The following PPP2R2B variants were observed in gnomAD, a reference collection of about 807,000 sequenced individuals.
PPP2R2B encodes the protein protein phosphatase 2 regulatory subunit Bbeta.
A neutral mutation model predicts 46.0 loss-of-function variants in PPP2R2B; 5 were observed. The observed-to-expected ratio is 0.11, with a 90% CI of 0.06 to 0.23. PPP2R2B has a LOEUF of 0.23. Ranked by LOEUF, PPP2R2B falls within the 10% of genes least tolerant of loss-of-function variation. The probability of loss-of-function intolerance (pLI) is 1.00; values close to 1 mark genes in which losing one functional copy is unlikely to be tolerated. For synonymous variants in PPP2R2B, 215 were observed against 206.7 expected, an observed-to-expected ratio of 1.04 and a Z score of -0.34; for missense variants, 367 against 575.0, an observed-to-expected ratio of 0.64 and a Z score of 3.70.
intron 1 of PPP2R2B, chr5:147,081,239 A>T: frequency 6.5e-7 from 1 of 1,535,650 alleles, no homozygotes; most frequent in East Asian, 2.4e-5. Context: ...ATGCATTTCT[A>T]AAAGGAGACT....
At chr5:146,710,015 TTACTC>T (rs1446994086) in intron 2 of PPP2R2B, among the ~76,000 whole-genome samples, 3 of 152,206 alleles carry the variant, frequency 2.0e-5, no homozygotes, top group African/African-American at 4.8e-5. Flanking sequence ...CATTTCCACT[TTACTC>T]TACCACACAA....
chr5:146,993,479 T>A (rs1005774927), intron 1 of PPP2R2B, among the ~76,000 whole-genome samples: 3 of 152,056 alleles, frequency 2.0e-5, no homozygotes, highest in Non-Finnish European at 4.4e-5. Flanking sequence ...TGAGCTCAAG[T>A]GATCCACCTG....
chr5:146,958,180 G>A (rs13170982), intron 1 of PPP2R2B, among the ~76,000 whole-genome samples: 90,807 of 151,940 alleles, frequency 0.6, 27,782 homozygotes, highest in Non-Finnish European at 0.66. Context: ...CACCCTTTCA[G>A]ATTCCAGGCA....
intron 2 of PPP2R2B, among the ~76,000 whole-genome samples, chr5:146,845,546 C>CA (rs1341864694): frequency 8.6e-5 from 13 of 150,942 alleles, no homozygotes; most frequent in Admixed American, 8.5e-4. Context: ...AGCCACCACA[C>CA]CTGGCCAATT....
intron 1 of PPP2R2B, among the ~76,000 whole-genome samples, chr5:146,909,307 T>A (rs528238499): frequency 3.9e-5 from 6 of 152,210 alleles, no homozygotes; most frequent in Non-Finnish European, 8.8e-5. Context: ...GTTCTTGAAT[T>A]CAGTTCATTT....
At chr5:146,680,316 A>G (rs1182889507) in intron 5 of PPP2R2B, among the ~76,000 whole-genome samples, 2 of 146,998 alleles carry the variant, frequency 1.4e-5, no homozygotes, top group African/African-American at 5.0e-5. Flanking sequence ...AACACCGCAT[A>G]TTCTCACTCA....
At chr5:146,855,496 C>T (rs983161145) in intron 2 of PPP2R2B, among the ~76,000 whole-genome samples, 2 of 152,258 alleles carry the variant, frequency 1.3e-5, no homozygotes, top group East Asian at 1.9e-4. Flanking sequence ...TATACATACA[C>T]ATACACACAT....
Position 146,742,644 on chromosome 5 carries a change from GATA to G in PPP2R2B, c.71-41505_71-41503del, listed in dbSNP as rs58481044. Among the ~76,000 whole-genome samples, 782 of 152,184 alleles carry G rather than the reference GATA, an allele frequency of 5.1e-3. 5 individuals are homozygous for G. Among genetic ancestry groups the G allele is most frequent in the African/African-American group, 0.018 (744 of 41,530 alleles). ...AAATAATGAAGATATAATAATAAATGATAATAATTATTATGGGTTGAATTGTGC... is the reference window on the plus strand; with the variant it reads ...AAATAATGAAGATATAATAATAAATGATAATTATTATGGGTTGAATTGTGC... On this transcript the variant is annotated intron_variant, in intron 2 of 9. Transcript: ENST00000394411.
chr5:146,824,538 G>C (rs1387443224), intron 2 of PPP2R2B, among the ~76,000 whole-genome samples: 1 of 152,144 alleles, frequency 6.6e-6, no homozygotes, highest in African/African-American at 2.4e-5. Context: ...ACATAGAATA[G>C]TTGAGTTTTG....
At chr5:146,682,063 A>G (rs575505837) in intron 5 of PPP2R2B, among the ~76,000 whole-genome samples, 10 of 152,192 alleles carry the variant, frequency 6.6e-5, no homozygotes, top group Non-Finnish European at 1.2e-4. Context: ...AGCAAAAGAC[A>G]AAGAGAACTC....
At chr5:146,962,324 C>CAG (rs965344915) in intron 1 of PPP2R2B, among the ~76,000 whole-genome samples, 14 of 149,698 alleles carry the variant, frequency 9.4e-5, no homozygotes, top group East Asian at 2.0e-4. Context: ...ATTTGGTAGA[C>CAG]AGAGAGAGAG....
intron 2 of PPP2R2B, chr5:146,751,190 A>G (rs1378256125): frequency 6.6e-6 from 1 of 152,264 alleles, no homozygotes; most frequent in Non-Finnish European, 1.5e-5. Flanking sequence ...TCAGTTGATG[A>G]TTCAACATGT....
chr5:147,057,180 C>T (rs1333827794), upstream of PPP2R2B, among the ~76,000 whole-genome samples: 1 of 152,186 alleles, frequency 6.6e-6, no homozygotes, highest in Non-Finnish European at 1.5e-5. Context: ...CATTCCCCCA[C>T]CAGTATGCCA....
chr5:146,979,924 T>C (rs558858081), intron 1 of PPP2R2B, among the ~76,000 whole-genome samples: 38 of 152,278 alleles, frequency 2.5e-4, no homozygotes, highest in Non-Finnish European at 4.9e-4. Context: ...AGCAAAACCA[T>C]GGCAGATAAA....
chr5:147,061,997 A>T (rs1050780409), intron 2 of PPP2R2B, among the ~76,000 whole-genome samples: 1 of 151,574 alleles, frequency 6.6e-6, no homozygotes, highest in African/African-American at 2.4e-5. Flanking sequence ...CCATGGAAAC[A>T]TGATTTGATT....
In PPP2R2B at chr5:146,857,604, G is replaced by A. The variant is rs147362132; in HGVS notation, c.70+20398C>T. Among the ~76,000 whole-genome samples the A allele has an allele frequency of 1.9e-3, 296 of 152,094 alleles. 3 individuals carry two copies. In the East Asian group the frequency reaches 0.025, roughly 13 times the overall value. On this transcript the variant is annotated intron_variant, in intron 2 of 9. Coordinates refer to ENST00000394411, the MANE Select transcript of PPP2R2B (RefSeq NM_181675.4). ...TACTGGATCAAAGATTAAGGTTAGTGTATTAACTTATTTGTCCTCTGTTTT... is the reference window on the plus strand; with the variant it reads ...TACTGGATCAAAGATTAAGGTTAGTATATTAACTTATTTGTCCTCTGTTTT...
At chr5:147,080,509 G>A (rs903980548) in intron 2 of PPP2R2B, among the ~76,000 whole-genome samples, 1 of 152,050 alleles carries the variant, frequency 6.6e-6, no homozygotes, top group Non-Finnish European at 1.5e-5. Context: ...AGAAAATAAA[G>A]AAAATTAAAA....
At chr5:146,596,636 G>A (rs769199625) in intron 8 of PPP2R2B, among the ~76,000 whole-genome samples, 10 of 152,268 alleles carry the variant, frequency 6.6e-5, no homozygotes, top group African/African-American at 9.6e-5. Context: ...TTAAGGATTC[G>A]AATCCTGTAA....
At chr5:146,784,769 T>A (rs1755735914) in intron 2 of PPP2R2B, among the ~76,000 whole-genome samples, 1 of 152,186 alleles carries the variant, frequency 6.6e-6, no homozygotes, top group Non-Finnish European at 1.5e-5. Flanking sequence ...AAATAAATAT[T>A]TCCACATCAG....
Sources: allele counts gnomAD v4.1 joint callset (sites outside exome capture counted in the v4.1 genomes callset), GRCh38; gene constraint gnomAD v4.1.1; transcripts MANE v1.5; gene names NCBI Gene and HGNC (gene_info 2026-07-23, HGNC 2026-07-21).